Variants in RPL7L1 observed in about 807,000 individuals in gnomAD.
RPL7L1 encodes ribosomal protein uL30-like.
RPL7L1 carries 20 observed loss-of-function variants against 30.3 expected under a neutral mutation model. The ratio of observed to expected loss-of-function variants is 0.66; its 90% CI spans 0.46 to 0.96. The LOEUF (loss-of-function observed/expected upper bound fraction) is 0.96, where lower values mean the gene tolerates loss of function less well. RPL7L1 is among the 40% of genes least tolerant of loss of function. The pLI is 0.00. For synonymous variants in RPL7L1, 107 were observed against 110.1 expected, an observed-to-expected ratio of 0.97 and a Z score of 0.18; for missense variants, 271 against 314.9, an observed-to-expected ratio of 0.86 and a Z score of 1.05.
chr6:42,888,533 C>T lies in RPL7L1; in HGVS notation c.*2069C>T, dbSNP rs1205094380. The T allele has an allele frequency of 6.6e-6, 1 of 152,214 alleles. No individual in the cohort carries two copies. The highest frequency in any genetic ancestry group is 2.4e-5 in the African/African-American group (1 of 41,436). 9.4% of individuals were successfully genotyped at this position (152,214 alleles called of 1,614,324 possible). A position where few individuals can be genotyped will look rare whatever the true frequency, so the allele number is the denominator to read the frequency against. ...GGCCCTGATCTTGCTACTCTGGTTCCATGTCCTATGGAAGACCAAAGTTTA... is the reference window on the plus strand; with the variant it reads ...GGCCCTGATCTTGCTACTCTGGTTCTATGTCCTATGGAAGACCAAAGTTTA... On this transcript the variant is annotated 3_prime_UTR_variant, in exon 6 of 6. Transcript: ENST00000493763.
chr6:42,883,650 G>C, intron 3 of RPL7L1, 36 bp downstream of exon 3: 1 of 1,528,812 alleles, frequency 6.5e-7, no homozygotes, highest in South Asian at 1.3e-5. Context: ...GCATGAGGCT[G>C]GGGCAAAGTG....
In RPL7L1 at chr6:42,886,257, G is replaced by A; in HGVS notation, c.561G>A (p.Gly187=). 6.2e-7 allele frequency: 1 copy of A among 1,610,082 alleles called. No individual in the cohort carries two copies. Among genetic ancestry groups the A allele is most frequent in the Non-Finnish European group, 8.5e-7 (1 of 1,178,126 alleles). ...AATCTGTGCTTTTGTGTTTCTTAGG[G>A]AAGTTTGGCGTCATTTGCTTGGAAG... ...TDNTVIEEHL[G]KFGVICLEDL... is the part of the protein sequence containing the mutation. The change falls in exon 6 of 6, where the codon GGG becomes GGA. Residue 187 remains glycine, a splice_region_variant and synonymous_variant. Transcript: ENST00000493763.
intron 1 of RPL7L1, 126 bp from the exon 2 acceptor site, chr6:42,880,729 TCTCGAA>T (rs1205877920): frequency 7.4e-6 from 4 of 537,668 alleles, no homozygotes; most frequent in Non-Finnish European, 1.3e-5. Flanking sequence ...GTCAGGCTGG[TCTCGAA>T]CTCCTGACCT....
intron 1 of RPL7L1, chr6:42,880,502 G>C (rs1766031863): frequency 4.4e-6 from 1 of 226,616 alleles, no homozygotes; most frequent in South Asian, 5.9e-5. Context: ...TTGAATGTTC[G>C]TTTTCTTTTT....
rs1242294399 is a variant in RPL7L1, at chr6:42,889,518, G to A, written c.*3054G>A. On this transcript the variant is annotated 3_prime_UTR_variant, in exon 6 of 6. Transcript: ENST00000493763. ...CTCCAGAGGTAACCTGCCAAGAAGA[G>A]ATGCTATAGATGTTACTCCTATACT... The A allele has an allele frequency of 1.3e-5, 2 of 151,692 alleles. No individual in the cohort carries two copies. Among genetic ancestry groups the A allele is most frequent in the Non-Finnish European group, 2.9e-5 (2 of 68,004 alleles). 9.4% of individuals were successfully genotyped at this position (151,692 alleles called of 1,614,324 possible).
At position 42,879,723 on chromosome 6, in the gene RPL7L1, A is replaced by G. The variant is rs1468149343; in HGVS notation, c.-188A>G. The G allele has an allele frequency of 3.2e-5, 19 of 587,950 alleles. No homozygotes were observed. The highest frequency in any genetic ancestry group is 3.4e-5 in the Non-Finnish European group (11 of 324,864). The allele number at this position is 587,950 out of a possible 1,614,324, so 36.4% of individuals were successfully genotyped here. On this transcript the variant is annotated 5_prime_UTR_variant, in exon 1 of 6. Coordinates refer to ENST00000493763, the MANE Select transcript of RPL7L1 (RefSeq NM_001366481.3). ...TTACAAGAAAAGGGCTGGGTTTTGAAAATAACACAGGCTCTAAAAACCCTA... is the reference window on the plus strand; with the variant it reads ...TTACAAGAAAAGGGCTGGGTTTTGAGAATAACACAGGCTCTAAAAACCCTA...
At position 42,887,006 on chromosome 6, in the gene RPL7L1, A is replaced by C. The variant is rs1472148427; in HGVS notation, c.*542A>C. The C allele has an allele frequency of 1.3e-5, 2 of 148,708 alleles. No individual in the cohort carries two copies. Among genetic ancestry groups the C allele is most frequent in the South Asian group, 2.1e-4 (1 of 4,812 alleles). 9.2% of individuals were successfully genotyped at this position (148,708 alleles called of 1,614,324 possible). A position where few individuals can be genotyped will look rare whatever the true frequency, so the allele number is the denominator to read the frequency against. On this transcript the variant is annotated 3_prime_UTR_variant, in exon 6 of 6. Coordinates refer to ENST00000493763, the MANE Select transcript of RPL7L1 (RefSeq NM_001366481.3). ...AGACTCCATCTCGGAAAAAAAAAAA[A>C]AAAAACTATTGCTGCAGTCATTCAG...
chr6:42,886,784 A>C lies in RPL7L1; in HGVS notation c.*320A>C. 3.7e-6 allele frequency: 1 copy of C among 268,618 alleles called. No individual in the cohort carries two copies. The highest frequency in any genetic ancestry group is 4.0e-5 in the South Asian group (1 of 25,126). 16.6% of individuals were successfully genotyped at this position (268,618 alleles called of 1,614,324 possible). A position where few individuals can be genotyped will look rare whatever the true frequency, so the allele number is the denominator to read the frequency against. ...GCCAAGGCGGGCAGACCATGAGGTC[A>C]GGAGATTGAGACCATCCTGGCCAAC... On this transcript the variant is annotated 3_prime_UTR_variant, in exon 6 of 6. Transcript: ENST00000493763.
chr6:42,883,840 A>G (rs1219241045), intron 3 of RPL7L1: 4 of 274,214 alleles, frequency 1.5e-5, no homozygotes, highest in Non-Finnish European at 2.7e-5. Flanking sequence ...GGGGTTGAGG[A>G]CACCCTCTCT....
At position 42,888,964 on chromosome 6, in the gene RPL7L1, C is replaced by G. The variant is rs1159005723; in HGVS notation, c.*2500C>G. The G allele has an allele frequency of 1.2e-4, 19 of 152,194 alleles. No individual in the cohort carries two copies. The highest frequency in any genetic ancestry group is 4.3e-4 in the African/African-American group (18 of 41,444). 9.4% of individuals were successfully genotyped at this position (152,194 alleles called of 1,614,324 possible). A position where few individuals can be genotyped will look rare whatever the true frequency, so the allele number is the denominator to read the frequency against. On this transcript the variant is annotated 3_prime_UTR_variant, in exon 6 of 6. Transcript: ENST00000493763. ...GTGGGTCTTCCTGCTATTCTCTTCA[C>G]TTAGTTGCCCCTCACTTGCCATCTG... is the stretch of plus-strand genomic sequence containing the variant.
rs1309781737 is a variant in RPL7L1 at position 42,880,988 on chromosome 6, A to C, written c.147+22A>C. On this transcript the variant is annotated intron_variant, in intron 2 of 5. Transcript: ENST00000493763. ...GGAGGTAATGGTGGGGAACCAAGAG[A>C]AAGTAATTAGAATTTTTATTTGGTG... The C allele has an allele frequency of 4.8e-6, 6 of 1,256,924 alleles. No individual in the cohort carries two copies. In the Admixed American group the frequency reaches 1.0e-4, roughly 22 times the overall value. The allele number at this position is 1,256,924 out of a possible 1,614,324, so 77.9% of individuals were successfully genotyped here. A position where few individuals can be genotyped will look rare whatever the true frequency, so the allele number is the denominator to read the frequency against.
In RPL7L1 at chr6:42,889,789, G is replaced by A. The variant is rs1353222674; in HGVS notation, c.*3325G>A. On this transcript the variant is annotated 3_prime_UTR_variant, in exon 6 of 6. Coordinates refer to ENST00000493763, the MANE Select transcript of RPL7L1 (RefSeq NM_001366481.3). ...TTTATTCTGTCAGAGCAAACTGCTG[G>A]TAAATAAAAGGGACTAAGTTGACGA... 2 of 152,134 alleles carry A rather than the reference G, an allele frequency of 1.3e-5. No homozygotes were observed. The highest frequency in any genetic ancestry group is 1.3e-4 in the Admixed American group (2 of 15,278). 9.4% of individuals were successfully genotyped at this position (152,134 alleles called of 1,614,324 possible).
chr6:42,883,572 T>G lies in RPL7L1; in HGVS notation c.269T>G (p.Leu90Trp). 6.2e-7 allele frequency: 1 copy of G among 1,602,678 alleles called. No homozygotes were observed. Among genetic ancestry groups the G allele is most frequent in the Admixed American group, 1.8e-5 (1 of 56,662 alleles). ...GAAGTGAAACCTCATGCCTTGGAAT[T>G]GCCAGATAAACATTCCTTGGCCTTT... The part of the protein sequence containing the change: ...RLEVKPHALE[L>W]PDKHSLAFVV... Residue 90 changes from leucine to tryptophan, a missense_variant, in exon 3 of 6, where the codon TTG becomes TGG. Transcript: ENST00000493763.
At chr6:42,881,661 A>C (rs1431667325) in intron 2 of RPL7L1, 5 of 151,876 alleles carry the variant, frequency 3.3e-5, no homozygotes, top group African/African-American at 7.3e-5. Flanking sequence ...ACCTCTGCCT[A>C]CTGGGCTCAA....
chr6:42,881,288 A>AC, intron 2 of RPL7L1: 5 of 161,962 alleles, frequency 3.1e-5, no homozygotes, highest in Non-Finnish European at 6.7e-5. Flanking sequence ...ACACGGTGAA[A>AC]CCCCGTCTCT....
chr6:42,885,273 C>A (rs1158611070), intron 4 of RPL7L1, among the ~76,000 whole-genome samples: 2 of 149,524 alleles, frequency 1.3e-5, no homozygotes, highest in African/African-American at 2.5e-5. Flanking sequence ...TCGCTTGAAT[C>A]CATGAGGCAG....
chr6:42,885,602 C>A, intron 4 of RPL7L1: 1 of 176,036 alleles, frequency 5.7e-6, no homozygotes, highest in Admixed American at 5.5e-5. Flanking sequence ...ATTCCTCAAA[C>A]ATTGAAACCC....
intron 2 of RPL7L1, chr6:42,881,526 C>T (rs951523793): frequency 4.6e-5 from 7 of 151,992 alleles, no homozygotes; most frequent in Middle Eastern, 3.2e-3. Context: ...ATACTCCTTC[C>T]GCCTATGTAG....
rs1313975097 is a variant in RPL7L1, at chr6:42,884,725, A to G, written c.424A>G (p.Ile142Val). 1 of 1,613,966 alleles carries G rather than the reference A, an allele frequency of 6.2e-7. No individual in the cohort carries two copies. Among genetic ancestry groups the G allele is most frequent in the African/African-American group, 1.3e-5 (1 of 74,924 alleles). The change falls in exon 4 of 6, where the codon ATA (isoleucine) becomes GTA (valine). Residue 142 changes from isoleucine to valine, a missense_variant. Physicochemically the swap from Ile to Val is conservative, Grantham distance 29. Coordinates refer to ENST00000493763, the MANE Select transcript of RPL7L1 (RefSeq NM_001366481.3). ...VTPQNLKMLR[I>V]VEPYVTWGFP... ...CCCCCAGAATCTAAAAATGCTGCGT[A>G]TAGTGGAACCTTATGTGACCTGGGG... is the stretch of plus-strand genomic sequence containing the variant.
Sources: allele counts gnomAD v4.1 joint callset (sites outside exome capture counted in the v4.1 genomes callset), GRCh38; gene constraint gnomAD v4.1.1; transcripts MANE v1.5; gene names NCBI Gene and HGNC (gene_info 2026-07-23, HGNC 2026-07-21).